Variants in KDM2A observed in about 807,000 individuals in gnomAD.
KDM2A encodes the protein lysine-specific demethylase 2A.
In KDM2A, 3 loss-of-function variants were observed where a neutral mutation model predicts 137.3. That is an observed-to-expected ratio of 0.02 (90% CI 0.01 to 0.06). The LOEUF (loss-of-function observed/expected upper bound fraction) is 0.06, where lower values mean the gene tolerates loss of function less well. Ranked by LOEUF, KDM2A falls within the 10% of genes least tolerant of loss-of-function variation. The pLI is 1.00. For missense variants in KDM2A, 738 were observed against 1,510.6 expected (o/e 0.49, Z 8.48); for synonymous variants, 512 against 541.5 (o/e 0.95, Z 0.76).
chr11:67,178,558 T>C lies in KDM2A; in HGVS notation c.43-1521T>C, dbSNP rs145579580. ...CACTTCTCCCATTCTTCATTTTCTC[T>C]AGCCCCTGGCAACTATGAATCTAGT... On this transcript the variant is annotated intron_variant, in intron 2 of 20. Transcript: ENST00000529006. 3.7e-4 allele frequency among the ~76,000 whole-genome samples: 57 copies of C among 152,360 alleles called. 1 individual carries two copies. In the East Asian group the frequency reaches 7.9e-3, roughly 21 times the overall value.
intron 12 of KDM2A, among the ~76,000 whole-genome samples, chr11:67,234,827 T>C (rs974370591): frequency 6.6e-6 from 1 of 152,166 alleles, no homozygotes; most frequent in African/African-American, 2.4e-5. Flanking sequence ...CACTCCAGTC[T>C]GGGCAAAAGA....
At chr11:67,129,750 A>T (rs1855809791) in intron 2 of KDM2A, among the ~76,000 whole-genome samples, 1 of 149,078 alleles carries the variant, frequency 6.7e-6, no homozygotes, top group African/African-American at 2.5e-5. Context: ...AAAAAAAAAA[A>T]GAAAAAGAAA....
At chr11:67,240,196 C>A in intron 12 of KDM2A, 1 of 1,531,868 alleles carries the variant, frequency 6.5e-7, no homozygotes, top group Non-Finnish European at 8.7e-7. Context: ...CAGAGCTGGA[C>A]TGCCCTGCCC....
chr11:67,182,952 A>T (rs926905373), intron 5 of KDM2A, among the ~76,000 whole-genome samples: 3 of 152,232 alleles, frequency 2.0e-5, no homozygotes, highest in South Asian at 4.1e-4. Context: ...CTCCAGTGCC[A>T]TTCCTTTGCT....
Position 67,245,927 on chromosome 11 carries a change from A to G in KDM2A, c.1834-58A>G. The G allele has an allele frequency of 6.3e-7, 1 of 1,597,716 alleles. No individual in the cohort carries two copies. The highest frequency in any genetic ancestry group is 8.6e-7 in the Non-Finnish European group (1 of 1,168,514). The stretch of plus-strand genomic sequence containing the variant: ...ATCTCCCATCTTCAGTTTAAGGGAA[A>G]CTGAAATGATAAAGATCTGAGTCAG... On this transcript the variant is annotated intron_variant, in intron 14 of 20. Coordinates refer to ENST00000529006, the MANE Select transcript of KDM2A (RefSeq NM_012308.3). This position sits in a 1 kb window ranked among gnomAD's most constrained non-coding sequence, Gnocchi z 4.1.
intron 18 of KDM2A, 150 bp from the exon 19 acceptor site, chr11:67,253,303 A>G (rs1394625792): frequency 2.8e-6 from 2 of 714,556 alleles, no homozygotes; most frequent in East Asian, 2.5e-5. Context: ...ATAGGATACC[A>G]TGGAAATCTT....
At chr11:67,180,313 G>T in intron 3 of KDM2A, 96 bp downstream of exon 3, 1 of 1,254,448 alleles carries the variant, frequency 8.0e-7, no homozygotes, top group Non-Finnish European at 1.1e-6. Flanking sequence ...CTAAAATATT[G>T]CCTGTTGATG....
chr11:67,127,183 A>G (rs776642326), intron 2 of KDM2A, among the ~76,000 whole-genome samples: 10 of 152,136 alleles, frequency 6.6e-5, no homozygotes, highest in Non-Finnish European at 1.3e-4. Flanking sequence ...TTGTAGCCTC[A>G]ACCGCCTGGC....
chr11:67,200,423 T>A (rs1012155205), intron 5 of KDM2A, among the ~76,000 whole-genome samples: 1 of 152,142 alleles, frequency 6.6e-6, no homozygotes, highest in African/African-American at 2.4e-5. Context: ...TTCACCATGT[T>A]AGCCAGGATG....
In KDM2A at chr11:67,153,340, C is replaced by T. The variant is rs1277199937; in HGVS notation, c.43-26739C>T. ...GTGTAATTGGAAAGGTGATGCTTTT[C>T]TGTCCAAGAAAAGGTCCTGGAACCA... is the stretch of plus-strand genomic sequence containing the variant. On this transcript the variant is annotated intron_variant, in intron 2 of 20. Coordinates refer to ENST00000529006, the MANE Select transcript of KDM2A (RefSeq NM_012308.3). Among the ~76,000 whole-genome samples the T allele has an allele frequency of 3.3e-5, 5 of 152,228 alleles. No individual in the cohort carries two copies. In the Middle Eastern group the frequency reaches 0.01, roughly 311 times the overall value.
chr11:67,195,890 C>T, intron 5 of KDM2A: 1 of 350,124 alleles, frequency 2.9e-6, no homozygotes, highest in Non-Finnish European at 5.8e-6. Context: ...AACCAGTTCT[C>T]AATAGGCTCC....
chr11:67,153,291 C>T (rs1856437512), intron 2 of KDM2A, among the ~76,000 whole-genome samples: 1 of 151,966 alleles, frequency 6.6e-6, no homozygotes, highest in Non-Finnish European at 1.5e-5. Flanking sequence ...GCTGGTGTGT[C>T]TTAATATGCA....
At chr11:67,252,582 T>A in intron 17 of KDM2A, 112 bp from the exon 18 acceptor site, 1 of 1,183,158 alleles carries the variant, frequency 8.5e-7, no homozygotes, top group Non-Finnish European at 1.2e-6. Flanking sequence ...TGTACACTTG[T>A]AGAAGAACGA....
At position 67,257,281 on chromosome 11, in the gene KDM2A, G is replaced by C. The variant is rs1859643796; in HGVS notation, c.*2226G>C. The C allele has an allele frequency of 2.0e-5, 3 of 152,664 alleles. No individual in the cohort carries two copies. In the South Asian group the frequency reaches 6.2e-4, roughly 32 times the overall value. 9.5% of individuals were successfully genotyped at this position (152,664 alleles called of 1,614,324 possible). ...TTGGAAAAACATGCATTTTTACCGT[G>C]CACGTAAATTGGTCAGCAGAAAAGG... On this transcript the variant is annotated 3_prime_UTR_variant, in exon 21 of 21. Coordinates refer to ENST00000529006, the MANE Select transcript of KDM2A (RefSeq NM_012308.3).
chr11:67,236,037 C>G (rs903626557), intron 12 of KDM2A, among the ~76,000 whole-genome samples: 1 of 152,180 alleles, frequency 6.6e-6, no homozygotes, highest in Non-Finnish European at 1.5e-5. Flanking sequence ...AAAGTGTATG[C>G]GTATTTGTGC....
intron 5 of KDM2A, among the ~76,000 whole-genome samples, chr11:67,200,921 C>T (rs549884560): frequency 2.0e-5 from 3 of 152,148 alleles, no homozygotes; most frequent in South Asian, 4.2e-4. Flanking sequence ...TGGCCTGGCA[C>T]AGTGGCTCAC....
intron 5 of KDM2A, chr11:67,196,765 A>G (rs1857492841): frequency 3.6e-6 from 1 of 281,074 alleles, no homozygotes; most frequent in East Asian, 1.1e-4. Flanking sequence ...TATAAGATGA[A>G]CAGAGTTATG....
At chr11:67,215,662 G>C (rs1858138664) in intron 7 of KDM2A, 194 bp from the exon 8 acceptor site, 2 of 624,134 alleles carry the variant, frequency 3.2e-6, no homozygotes, top group Non-Finnish European at 5.6e-6. Flanking sequence ...TTACATTTTA[G>C]TCAATACGGT....
At position 67,257,188 on chromosome 11, in the gene KDM2A, T is replaced by A. The variant is rs540230100; in HGVS notation, c.*2133T>A. ...AGAGTGCCTCTGACTTTGGGACATT[T>A]CATCCACAGAAATTTCCAAGCCAAT... On this transcript the variant is annotated 3_prime_UTR_variant, in exon 21 of 21. Transcript: ENST00000529006. 3.9e-5 allele frequency: 6 copies of A among 152,420 alleles called. No homozygotes were observed. The East Asian group carries it at 1.2e-3, about 29-fold the overall frequency. The allele number at this position is 152,420 out of a possible 1,614,324, so 9.4% of individuals were successfully genotyped here.
Sources: gnomAD v4.1 joint callset for allele counts (sites outside exome capture counted in the v4.1 genomes callset) on GRCh38, gnomAD v4.1.1 for gene constraint, Gnocchi (gnomAD v3.1) non-coding constraint, MANE v1.5 for transcripts, NCBI Gene and HGNC (gene_info 2026-07-23, HGNC 2026-07-21) for gene names.